SLC24A4: variants seen among roughly 807,000 people sequenced by gnomAD.
SLC24A4 encodes solute carrier family 24 member 4.
In SLC24A4, 53 loss-of-function variants were observed where a neutral mutation model predicts 79.0. The ratio of observed to expected loss-of-function variants is 0.67; its 90% confidence interval spans 0.54 to 0.84. SLC24A4 has a LOEUF of 0.84. Among genes scored for constraint, SLC24A4 ranks in the 40% least tolerant of loss-of-function variants. SLC24A4 has a pLI of 0.00. For missense variants in SLC24A4, 731 were observed against 822.0 expected (o/e 0.89, Z 1.35); for synonymous variants, 323 against 323.8 (o/e 1.00, Z 0.03).
rs779007741 is a variant in SLC24A4 at position 92,474,843 on chromosome 14, G to GTGTATATATATATATATATATATA, written c.1256-7836_1256-7835insGTATATATATATATATATATATAT. 3.8e-4 allele frequency among the ~76,000 whole-genome samples: 9 copies of GTGTATATATATATATATATATATA among 23,886 alleles called. 2 individuals carry two copies. Among genetic ancestry groups the GTGTATATATATATATATATATATA allele is most frequent in the Non-Finnish European group, 7.3e-4 (6 of 8,196 alleles). The allele number at this position is 23,886 out of a possible 152,430, so 15.7% of individuals were successfully genotyped here. ...TATACATATATATGTGTGTGTGTGT[G>GTGTATATATATATATATATATATA]TATATATATATATATATATATTTTT... On this transcript the variant is annotated intron_variant, in intron 12 of 16. Transcript: ENST00000532405.
rs143379421 is a variant in SLC24A4, at chr14:92,412,888, G to A, written c.242-21024G>A. The stretch of plus-strand genomic sequence containing the variant: ...CCTGCAAGCCAAAAATGGTTTCTAC[G>A]TTTTTCAATGATTGGACAAAGTTAA... On this transcript the variant is annotated intron_variant, in intron 2 of 16. Coordinates refer to ENST00000532405, the MANE Select transcript of SLC24A4 (RefSeq NM_153646.4). 2.0e-3 allele frequency among the ~76,000 whole-genome samples: 309 copies of A among 152,262 alleles called. 1 individual carries two copies. The highest frequency in any genetic ancestry group is 3.3e-3 in the Non-Finnish European group (223 of 68,022).
chr14:92,436,156 G>C (rs576965483), intron 3 of SLC24A4, among the ~76,000 whole-genome samples: 205 of 152,322 alleles, frequency 1.3e-3, no homozygotes, highest in Non-Finnish European at 2.2e-3. Context: ...TATGGTAGAA[G>C]GGGAGGAGGC....
At chr14:92,371,971 A>T (rs554131116) in intron 2 of SLC24A4, among the ~76,000 whole-genome samples, 1 of 54,424 alleles carries the variant, frequency 1.8e-5, no homozygotes, top group African/African-American at 3.0e-5. Flanking sequence ...TGTGCCATTC[A>T]TCAGACACTT....
At chr14:92,324,588 A>G (rs1461815025) in intron 1 of SLC24A4, among the ~76,000 whole-genome samples, 2 of 152,234 alleles carry the variant, frequency 1.3e-5, no homozygotes, top group Admixed American at 6.5e-5. Context: ...AGCTTAGGCT[A>G]TGCAAATTTC....
intron 2 of SLC24A4, among the ~76,000 whole-genome samples, chr14:92,328,941 G>A (rs1885311039): frequency 6.6e-6 from 1 of 152,244 alleles, no homozygotes; most frequent in African/African-American, 2.4e-5. Flanking sequence ...TCTTCACCCT[G>A]GGCTCCCATC....
chr14:92,335,448 G>A (rs750454029), intron 2 of SLC24A4, among the ~76,000 whole-genome samples: 3 of 152,066 alleles, frequency 2.0e-5, no homozygotes, highest in African/African-American at 4.8e-5. Flanking sequence ...TCTGCCTCCC[G>A]GGTTCAAGCA....
chr14:92,334,859 G>A (rs2402130), intron 2 of SLC24A4, among the ~76,000 whole-genome samples: 109,109 of 151,896 alleles, frequency 0.72, 41,311 homozygotes, highest in East Asian at 0.93. Flanking sequence ...GGAGCCCGTG[G>A]TAGCTGCCAT....
intron 2 of SLC24A4, among the ~76,000 whole-genome samples, chr14:92,418,771 G>A (rs1277564929): frequency 1.3e-5 from 2 of 152,064 alleles, no homozygotes; most frequent in African/African-American, 4.8e-5. Context: ...GCGTGATCTC[G>A]GCTCACTGCA....
At chr14:92,445,451 C>G in intron 8 of SLC24A4, 109 bp downstream of exon 8, 1 of 1,183,200 alleles carries the variant, frequency 8.5e-7, no homozygotes, top group Non-Finnish European at 1.2e-6. Flanking sequence ...TAAACTTAAG[C>G]TTATTAACTT....
intron 13 of SLC24A4, chr14:92,483,821 A>C: frequency 7.8e-7 from 1 of 1,289,964 alleles, no homozygotes; most frequent in Non-Finnish European, 1.0e-6. Context: ...GTTAACATCG[A>C]GTCCCTTTAT....
chr14:92,340,060 C>T (rs762175893), intron 2 of SLC24A4, among the ~76,000 whole-genome samples: 11 of 152,124 alleles, frequency 7.2e-5, no homozygotes, highest in Non-Finnish European at 1.0e-4. Context: ...CCCCATTTTC[C>T]AAGATGGGAG....
chr14:92,468,289 C>T (rs1894231477), intron 12 of SLC24A4, among the ~76,000 whole-genome samples: 1 of 152,090 alleles, frequency 6.6e-6, no homozygotes, highest in Non-Finnish European at 1.5e-5. Flanking sequence ...GAAAGATGTC[C>T]TGTGTTCAAG....
At chr14:92,478,791 G>C (rs754657310) in intron 12 of SLC24A4, among the ~76,000 whole-genome samples, 5 of 152,016 alleles carry the variant, frequency 3.3e-5, no homozygotes, top group Non-Finnish European at 5.9e-5. Flanking sequence ...TAAGTTTGGG[G>C]AATATTACCG....
At chr14:92,384,185 T>C (rs74486335) in intron 2 of SLC24A4, among the ~76,000 whole-genome samples, 15,792 of 152,062 alleles carry the variant, frequency 0.1, 1,005 homozygotes, top group Middle Eastern at 0.17. Context: ...AACAGGGTCT[T>C]TGGGGTAAAG....
intron 16 of SLC24A4, 70 bp from the exon 17 acceptor site, chr14:92,493,406 G>C: frequency 9.5e-6 from 15 of 1,572,248 alleles, no homozygotes; most frequent in Non-Finnish European, 1.3e-5. Context: ...CATAGGTGTC[G>C]CTTTCCAGTA....
At chr14:92,465,703 G>C (rs992703680) in intron 12 of SLC24A4, among the ~76,000 whole-genome samples, 2 of 152,092 alleles carry the variant, frequency 1.3e-5, no homozygotes, top group African/African-American at 4.8e-5. Flanking sequence ...GTGCCTGTGT[G>C]AGAAGGAGAC....
chr14:92,485,840 C>T (rs1895323349), intron 13 of SLC24A4, among the ~76,000 whole-genome samples: 1 of 152,142 alleles, frequency 6.6e-6, no homozygotes, highest in Admixed American at 6.5e-5. Context: ...GGTATAAACC[C>T]CACCCTTGTT....
At chr14:92,433,803 C>A in intron 2 of SLC24A4, 109 bp from the exon 3 acceptor site, 1 of 912,116 alleles carries the variant, frequency 1.1e-6, no homozygotes, top group South Asian at 1.4e-5. Context: ...CTGATCAGTC[C>A]AAAGCGAGGT....
At chr14:92,363,188 C>G (rs1444930409) in intron 2 of SLC24A4, among the ~76,000 whole-genome samples, 1 of 152,226 alleles carries the variant, frequency 6.6e-6, no homozygotes, top group African/African-American at 2.4e-5. Context: ...CAGCCCGTGC[C>G]TCGAGGACCA....
Sources: allele counts gnomAD v4.1 joint callset (sites outside exome capture counted in the v4.1 genomes callset), GRCh38; gene constraint gnomAD v4.1.1; transcripts MANE v1.5; gene names NCBI Gene and HGNC (gene_info 2026-07-23, HGNC 2026-07-21).